MKLN1: variants seen among roughly 807,000 people sequenced by gnomAD.
The protein encoded by MKLN1 is muskelin 1.
Under a neutral mutation model 99.0 loss-of-function variants are expected in MKLN1, and 18 were observed. That is an observed-to-expected ratio of 0.18 (90% confidence interval 0.13 to 0.27). The LOEUF (loss-of-function observed/expected upper bound fraction) is 0.27, where lower values mean the gene tolerates loss of function less well. MKLN1 is among the 10% of genes least tolerant of loss of function. MKLN1 has a pLI of 1.00. For synonymous variants in MKLN1, 288 were observed against 293.2 expected, an observed-to-expected ratio of 0.98 and a Z score of 0.18; for missense variants, 621 against 875.9, an observed-to-expected ratio of 0.71 and a Z score of 3.67.
intron 3 of MKLN1, among the ~76,000 whole-genome samples, chr7:131,312,253 C>A (rs10264049): frequency 0.017 from 2,600 of 152,234 alleles, 52 homozygotes; most frequent in African/African-American, 0.057. Context: ...AAACTCCTGA[C>A]CTCAGGTGAT....
At chr7:131,485,439 A>G (rs1053625320) in intron 17 of MKLN1, among the ~76,000 whole-genome samples, 1 of 152,130 alleles carries the variant, frequency 6.6e-6, no homozygotes, top group African/African-American at 2.4e-5. Flanking sequence ...AGAATCATCA[A>G]TGATTGCTAA....
intron 2 of MKLN1, among the ~76,000 whole-genome samples, chr7:131,191,853 AC>A (rs1264024356): frequency 1.3e-5 from 2 of 149,274 alleles, no homozygotes; most frequent in African/African-American, 4.9e-5. Context: ...AGCTGGGACT[AC>A]AGGCAGCTGC....
Position 131,175,228 on chromosome 7 carries a change from GAGAT to G in MKLN1, c.-296-27625_-296-27622del, listed in dbSNP as rs1323526045. ...GATAGAATGGATGGATAGAGAGAGA[GAGAT>G]AGAATGGATGGATGGATAGATAGAT... On this transcript the variant is annotated intron_variant, in intron 2 of 7. Transcript: ENST00000416992. 8.5e-5 allele frequency among the ~76,000 whole-genome samples: 13 copies of G among 152,052 alleles called. No homozygotes were observed. The East Asian group carries it at 9.7e-4, about 11-fold the overall frequency.
At chr7:131,172,945 G>A (rs1474895901) in intron 2 of MKLN1, among the ~76,000 whole-genome samples, 1 of 152,150 alleles carries the variant, frequency 6.6e-6, no homozygotes, top group East Asian at 1.9e-4. Context: ...AGAAATGACT[G>A]AGTCAAATTT....
At chr7:131,273,356 T>A (rs1389125836) in intron 3 of MKLN1, among the ~76,000 whole-genome samples, 1 of 152,228 alleles carries the variant, frequency 6.6e-6, no homozygotes, top group Non-Finnish European at 1.5e-5. Flanking sequence ...GGTCCATTTT[T>A]TTAGCATCAG....
chr7:131,196,258 G>A (rs917314232), intron 2 of MKLN1, among the ~76,000 whole-genome samples: 1 of 152,136 alleles, frequency 6.6e-6, no homozygotes, highest in African/African-American at 2.4e-5. Context: ...AATCCAGGAT[G>A]TCTGTGGAAA....
intron 3 of MKLN1, among the ~76,000 whole-genome samples, chr7:131,243,427 C>A (rs1797437702): frequency 6.6e-6 from 1 of 152,172 alleles, no homozygotes; most frequent in Non-Finnish European, 1.5e-5. Flanking sequence ...TCATGTGTTA[C>A]CCGCTTGCAA....
intron 3 of MKLN1, among the ~76,000 whole-genome samples, chr7:131,309,458 T>G (rs928868705): frequency 6.6e-6 from 1 of 151,974 alleles, no homozygotes; most frequent in African/African-American, 2.4e-5. Flanking sequence ...TGGAGTGCAA[T>G]GGTGTGATCT....
intron 3 of MKLN1, among the ~76,000 whole-genome samples, chr7:131,307,042 G>A (rs1056630837): frequency 1.6e-4 from 25 of 152,038 alleles, no homozygotes; most frequent in Non-Finnish European, 3.2e-4. Flanking sequence ...AGCCACAGTT[G>A]GGGGATGCAG....
chr7:131,271,934 T>C (rs1181679091), intron 3 of MKLN1, among the ~76,000 whole-genome samples: 2 of 151,944 alleles, frequency 1.3e-5, no homozygotes, highest in East Asian at 3.9e-4. Context: ...ATCAAAGATT[T>C]GTGCTGTCCT....
intron 1 of MKLN1, among the ~76,000 whole-genome samples, chr7:131,357,379 G>T (rs1316684962): frequency 6.6e-6 from 1 of 152,134 alleles, no homozygotes; most frequent in Non-Finnish European, 1.5e-5. Flanking sequence ...CCCTGAGGTG[G>T]TGTTTGTCAG....
rs185519479 is a variant in MKLN1, at chr7:131,180,751, C to T, written c.-296-22106C>T. On this transcript the variant is annotated intron_variant, in intron 2 of 7. Transcript: ENST00000416992. ...AAGCTGTATAACTTTTACTCAATGT[C>T]ATTCTAATTTATTTCTTTCTTAAAA... 4.0e-3 allele frequency among the ~76,000 whole-genome samples: 604 copies of T among 151,614 alleles called. 4 individuals are homozygous for T. The highest frequency in any genetic ancestry group is 0.01 in the South Asian group (49 of 4,800).
intron 1 of MKLN1, among the ~76,000 whole-genome samples, chr7:131,364,672 CT>C (rs912568031): frequency 3.3e-5 from 5 of 152,020 alleles, no homozygotes; most frequent in African/African-American, 1.2e-4. Flanking sequence ...TTGTTTGCTT[CT>C]TTGTGTTCAT....
chr7:131,457,277 C>CAAA (rs1232469803), intron 12 of MKLN1, among the ~76,000 whole-genome samples: 1 of 113,904 alleles, frequency 8.8e-6, no homozygotes, highest in Admixed American at 9.0e-5. Flanking sequence ...AACTCCATCT[C>CAAA]AAAAAAAAAA....
At chr7:131,336,120 T>G (rs1799243055) in intron 1 of MKLN1, among the ~76,000 whole-genome samples, 1 of 152,084 alleles carries the variant, frequency 6.6e-6, no homozygotes, top group Non-Finnish European at 1.5e-5. Context: ...ACTGTATGCT[T>G]TATGTATTTT....
chr7:131,449,951 C>G (rs1392685245), intron 12 of MKLN1, among the ~76,000 whole-genome samples: 1 of 152,140 alleles, frequency 6.6e-6, no homozygotes, highest in Non-Finnish European at 1.5e-5. Flanking sequence ...TGGGTTAACC[C>G]TCTAGTTTCG....
intron 3 of MKLN1, among the ~76,000 whole-genome samples, chr7:131,253,215 G>C (rs1189156440): frequency 1.3e-5 from 2 of 152,180 alleles, no homozygotes; most frequent in Admixed American, 1.3e-4. Flanking sequence ...ACCAAAAACT[G>C]TTCCCTCCCT....
rs975098748 is a variant in MKLN1 at position 131,495,348 on chromosome 7, C to T, written c.*7620C>T. 2.0e-5 allele frequency: 3 copies of T among 152,138 alleles called. No homozygotes were observed. The highest frequency in any genetic ancestry group is 6.5e-5 in the Admixed American group (1 of 15,268). 9.4% of individuals were successfully genotyped at this position (152,138 alleles called of 1,614,324 possible). Reference sequence around the variant, plus strand: ...TCGCTCCTTCTGTTTGTGAAAACATCTCCTGGACTGGAAATGTGGTGCTGT... The same window carrying T: ...TCGCTCCTTCTGTTTGTGAAAACATTTCCTGGACTGGAAATGTGGTGCTGT... On this transcript the variant is annotated 3_prime_UTR_variant, in exon 18 of 18. Transcript: ENST00000352689.
At chr7:131,279,561 A>G (rs540379207) in intron 3 of MKLN1, among the ~76,000 whole-genome samples, 98 of 152,310 alleles carry the variant, frequency 6.4e-4, no homozygotes, top group African/African-American at 2.3e-3. Context: ...TAATCCCAAC[A>G]CTTTGGGAGG....
Sources: allele counts gnomAD v4.1 joint callset (sites outside exome capture counted in the v4.1 genomes callset), GRCh38; gene constraint gnomAD v4.1.1; transcripts MANE v1.5; gene names NCBI Gene and HGNC (gene_info 2026-07-23, HGNC 2026-07-21).